The following CHCHD6 variants were observed in gnomAD, a reference collection of about 807,000 sequenced individuals.
CHCHD6 encodes coiled-coil-helix-coiled-coil-helix domain containing 6.
A neutral mutation model predicts 32.3 loss-of-function variants in CHCHD6; 28 were observed. The ratio of observed to expected loss-of-function variants is 0.87; its 90% CI spans 0.64 to 1.19. The LOEUF is 1.19. Among genes scored for constraint, CHCHD6 ranks in the 50% most tolerant of loss-of-function variants. The probability of loss-of-function intolerance (pLI) is 0.00; values close to 1 mark genes in which losing one functional copy is unlikely to be tolerated. For missense variants in CHCHD6, 333 were observed against 307.0 expected (o/e 1.08, Z -0.63); for synonymous variants, 122 against 117.5 (o/e 1.04, Z -0.25).
intron 5 of CHCHD6, among the ~76,000 whole-genome samples, chr3:126,913,539 G>A (rs959621794): frequency 4.6e-5 from 7 of 152,098 alleles, no homozygotes; most frequent in Non-Finnish European, 8.8e-5. Flanking sequence ...GGTTGTGTCT[G>A]CAAAGGGACT....
At chr3:126,842,523 AT>A (rs1941133123) in intron 4 of CHCHD6, among the ~76,000 whole-genome samples, 1 of 152,188 alleles carries the variant, frequency 6.6e-6, no homozygotes, top group South Asian at 2.1e-4. Context: ...GGAGTCAGGA[AT>A]CTGTCTTCGT....
chr3:126,824,583 T>TAAAAAAAAAAAAAAAAAAAA (rs1940307472), intron 4 of CHCHD6, among the ~76,000 whole-genome samples: 3 of 32,038 alleles, frequency 9.4e-5, no homozygotes, highest in African/African-American at 3.7e-4. Context: ...AAAAAAAAAG[T>TAAAAAAAAAAAAAAAAAAAA]CAAATGTTGG....
At chr3:126,751,721 C>T (rs1040780039) in intron 4 of CHCHD6, among the ~76,000 whole-genome samples, 23 of 152,076 alleles carry the variant, frequency 1.5e-4, no homozygotes, top group Admixed American at 7.2e-4. Flanking sequence ...ATTCAGGAGC[C>T]GGGTTGCCTG....
chr3:126,775,601 C>T (rs751707750), intron 4 of CHCHD6, among the ~76,000 whole-genome samples: 11 of 152,060 alleles, frequency 7.2e-5, no homozygotes, highest in Admixed American at 3.3e-4. Context: ...AGTTAGCAAC[C>T]GCAAGCAGCA....
chr3:126,891,184 C>A (rs2077754045), intron 5 of CHCHD6, among the ~76,000 whole-genome samples: 1 of 152,074 alleles, frequency 6.6e-6, no homozygotes, highest in Non-Finnish European at 1.5e-5. Flanking sequence ...TGCTGCAGCC[C>A]CAAGTATACC....
At chr3:126,737,092 G>A (rs1254209131) in intron 4 of CHCHD6, among the ~76,000 whole-genome samples, 1 of 152,012 alleles carries the variant, frequency 6.6e-6, no homozygotes, top group African/African-American at 2.4e-5. Context: ...AGGCTAAGGT[G>A]GGTGGATCAC....
rs1939173405 is a variant in CHCHD6, at chr3:126,803,197, C to G, written c.412-49450C>G. Among the ~76,000 whole-genome samples, 3 of 151,776 alleles carry G rather than the reference C, an allele frequency of 2.0e-5. No individual in the cohort carries two copies. The South Asian group carries it at 6.3e-4, about 32-fold the overall frequency. On this transcript the variant is annotated intron_variant, in intron 4 of 7. Transcript: ENST00000290913. ...CCAGCTAACATCATAATGACAGGAT[C>G]AAATTCACACATAACAATATTAACT...
chr3:126,803,530 C>A (rs1939192291), intron 4 of CHCHD6, among the ~76,000 whole-genome samples: 2 of 152,136 alleles, frequency 1.3e-5, no homozygotes, highest in African/African-American at 2.4e-5. Flanking sequence ...CTAAATATAT[C>A]TGCACCCAAT....
At chr3:126,772,872 T>G (rs1937568844) in intron 4 of CHCHD6, among the ~76,000 whole-genome samples, 1 of 152,226 alleles carries the variant, frequency 6.6e-6, no homozygotes, top group African/African-American at 2.4e-5. Context: ...GTAATAGTCT[T>G]TCCTTTCAAT....
chr3:126,715,553 A>G (rs1473708620), intron 1 of CHCHD6, among the ~76,000 whole-genome samples: 2 of 152,014 alleles, frequency 1.3e-5, no homozygotes, highest in Non-Finnish European at 2.9e-5. Context: ...GGGATTCCCT[A>G]ACATCTTTCT....
At chr3:126,946,850 C>A (rs764767747) in intron 6 of CHCHD6, among the ~76,000 whole-genome samples, 1 of 152,204 alleles carries the variant, frequency 6.6e-6, no homozygotes, top group South Asian at 2.1e-4. Context: ...GTATTCACCC[C>A]CCTGCTGATG....
intron 5 of CHCHD6, among the ~76,000 whole-genome samples, chr3:126,902,613 A>G (rs553629730): frequency 3.3e-5 from 5 of 151,106 alleles, no homozygotes; most frequent in African/African-American, 1.2e-4. Context: ...GCTACTCAGG[A>G]GGCTGAGGCA....
At chr3:126,743,624 G>C (rs1458750591) in intron 4 of CHCHD6, among the ~76,000 whole-genome samples, 3 of 152,188 alleles carry the variant, frequency 2.0e-5, no homozygotes, top group Non-Finnish European at 2.9e-5. Flanking sequence ...TCAGCCTCTT[G>C]AGGGTCCAGG....
At chr3:126,909,690 G>A (rs2078058794) in intron 5 of CHCHD6, among the ~76,000 whole-genome samples, 1 of 152,234 alleles carries the variant, frequency 6.6e-6, no homozygotes, top group African/African-American at 2.4e-5. Flanking sequence ...TGTCTACAGG[G>A]CAGAGGAAAA....
At chr3:126,767,664 G>C (rs1034658836) in intron 4 of CHCHD6, among the ~76,000 whole-genome samples, 1 of 152,118 alleles carries the variant, frequency 6.6e-6, no homozygotes. Flanking sequence ...CATGTCACAG[G>C]GGTTTGGTGT....
chr3:126,856,739 A>G (rs1383091117), intron 5 of CHCHD6, among the ~76,000 whole-genome samples: 1 of 152,188 alleles, frequency 6.6e-6, no homozygotes, highest in Non-Finnish European at 1.5e-5. Context: ...CTGAGAGCCC[A>G]TGGAGTTGAC....
intron 4 of CHCHD6, among the ~76,000 whole-genome samples, chr3:126,784,674 T>A (rs1357936639): frequency 6.6e-6 from 1 of 152,148 alleles, no homozygotes; most frequent in Non-Finnish European, 1.5e-5. Context: ...CATCCCCCAG[T>A]GTCAGCAGAT....
At chr3:126,880,108 C>T (rs1033550263) in intron 5 of CHCHD6, among the ~76,000 whole-genome samples, 5 of 152,124 alleles carry the variant, frequency 3.3e-5, no homozygotes, top group African/African-American at 1.2e-4. Context: ...AGGGAGATGC[C>T]ATTCTCATGT....
chr3:126,747,398 G>A (rs187968790), intron 4 of CHCHD6, among the ~76,000 whole-genome samples: 38 of 152,310 alleles, frequency 2.5e-4, no homozygotes, highest in African/African-American at 8.4e-4. Context: ...AACTCATAAG[G>A]TTAGTATGGG....
Sources: gnomAD v4.1 joint callset for allele counts (sites outside exome capture counted in the v4.1 genomes callset) on GRCh38, gnomAD v4.1.1 for gene constraint, MANE v1.5 for transcripts, NCBI Gene and HGNC (gene_info 2026-07-23, HGNC 2026-07-21) for gene names.